The following CLEC11A variants were observed in gnomAD, a reference collection of about 807,000 sequenced individuals.
CLEC11A encodes the protein C-type lectin domain family 11 member A.
CLEC11A carries 35 observed loss-of-function variants against 33.9 expected under a neutral mutation model. That is an observed-to-expected ratio of 1.03 (90% CI 0.79 to 1.37). The LOEUF (loss-of-function observed/expected upper bound fraction) is 1.37. Among genes scored for constraint, CLEC11A ranks in the 40% most tolerant of loss-of-function variants. The pLI, the probability that CLEC11A is intolerant of heterozygous loss-of-function variation, is 0.00. For synonymous variants in CLEC11A, 220 were observed against 202.2 expected, an observed-to-expected ratio of 1.09 and a Z score of -0.75; for missense variants, 519 against 455.5, an observed-to-expected ratio of 1.14 and a Z score of -1.27.
chr19:50,725,057 T>C lies in CLEC11A; in HGVS notation c.562T>C (p.Phe188Leu), dbSNP rs1458948321. Residue 188 changes from phenylalanine to leucine, a missense_variant, in exon 4 of 4, where the codon TTC becomes CTC. Physicochemically the swap from Phe to Leu is conservative, Grantham distance 22. Coordinates refer to ENST00000250340, the MANE Select transcript of CLEC11A (RefSeq NM_002975.3). ...GGGGCTGCGCCTGGGCCACAAGTGC[T>C]TCCTGCTCTCGCGCGACTTCGAAGC... ...LKGLRLGHKCFLLSRDFEAQA... is the reference protein window; with the variant it reads ...LKGLRLGHKCLLLSRDFEAQA... 4 of 1,517,470 alleles carry C rather than the reference T, an allele frequency of 2.6e-6. No homozygotes were observed. The highest frequency in any genetic ancestry group is 2.6e-6 in the Non-Finnish European group (3 of 1,134,534). 94.0% of individuals were successfully genotyped at this position (1,517,470 alleles called of 1,614,324 possible).
rs575741408 is a variant in CLEC11A at position 50,725,349 on chromosome 19, C to G, written c.854C>G (p.Pro285Arg). The G allele has an allele frequency of 6.2e-7, 1 of 1,612,236 alleles. No individual in the cohort carries two copies. Among genetic ancestry groups the G allele is most frequent in the East Asian group, 2.2e-5 (1 of 44,852 alleles). Residue 285 changes from proline (P) to arginine (R), a missense_variant, in exon 4 of 4, where the codon CCG becomes CGG. Physicochemically the swap from Pro to Arg is moderately radical, Grantham distance 103. Transcript: ENST00000250340. ...AGCGCCTCGCCGCATCCGCTCAGCC[C>G]GGACCAGCCCAACGGTGGCACGCTC... ...QPSASPHPLS[P>R]DQPNGGTLEN...
Position 50,724,944 on chromosome 19 carries a change from C to T in CLEC11A, c.527-78C>T. On this transcript the variant is annotated intron_variant, in intron 3 of 3. Coordinates refer to ENST00000250340, the MANE Select transcript of CLEC11A (RefSeq NM_002975.3). This position sits in a 1 kb window ranked among gnomAD's most constrained non-coding sequence, Gnocchi z 4.1. Reference sequence around the variant, plus strand: ...TTCCTGGCCCCGCCTCCCTCCACCCCCGGATGTTTTGTCCTCGCCCCCTTC... The same window carrying T: ...TTCCTGGCCCCGCCTCCCTCCACCCTCGGATGTTTTGTCCTCGCCCCCTTC... 1.4e-6 allele frequency: 2 copies of T among 1,418,740 alleles called. No homozygotes were observed. The highest frequency in any genetic ancestry group is 1.8e-6 in the Non-Finnish European group (2 of 1,088,564). The allele number at this position is 1,418,740 out of a possible 1,614,324, so 87.9% of individuals were successfully genotyped here. A position where few individuals can be genotyped will look rare whatever the true frequency, so the allele number is the denominator to read the frequency against.
chr19:50,723,476 ACC>A lies in CLEC11A; in HGVS notation c.-47_-46del, dbSNP rs1568449469. On this transcript the variant is annotated 5_prime_UTR_variant, in exon 1 of 4. Coordinates refer to ENST00000250340, the MANE Select transcript of CLEC11A (RefSeq NM_002975.3). The surrounding 1 kb of genome is among the most constrained non-coding windows in gnomAD (Gnocchi z 4.1). ...GCAGTTCCCAGAGGCCACCCCTCCC[ACC>A]CCAGACATCCAGACATCTGGAACTT... is the stretch of plus-strand genomic sequence containing the variant. 1 of 1,606,062 alleles carries A rather than the reference ACC, an allele frequency of 6.2e-7. No individual in the cohort carries two copies. Among genetic ancestry groups the A allele is most frequent in the South Asian group, 1.1e-5 (1 of 90,620 alleles).
In CLEC11A at chr19:50,725,104, G is replaced by C; in HGVS notation, c.609G>C (p.Arg203=). 5 of 1,532,960 alleles carry C rather than the reference G, an allele frequency of 3.3e-6. No individual in the cohort carries two copies. Among genetic ancestry groups the C allele is most frequent in the South Asian group, 1.2e-5 (1 of 82,136 alleles). 95.0% of individuals were successfully genotyped at this position (1,532,960 alleles called of 1,614,324 possible). ...DFEAQAAAQA[R]CTARGGSLAQ... Reference sequence around the variant, plus strand: ...AAGCTCAGGCGGCGGCGCAGGCGCGGTGCACGGCGCGGGGCGGGAGCCTGG... The same window carrying C: ...AAGCTCAGGCGGCGGCGCAGGCGCGCTGCACGGCGCGGGGCGGGAGCCTGG... Residue 203 remains arginine (R), a synonymous_variant, in exon 4 of 4, where the codon CGG becomes CGC. Coordinates refer to ENST00000250340, the MANE Select transcript of CLEC11A (RefSeq NM_002975.3).
rs781648659 is a variant in CLEC11A, at chr19:50,723,478, CCCAGACAT to C, written c.-38_-31del. 6.2e-7 allele frequency: 1 copy of C among 1,607,526 alleles called. No homozygotes were observed. The highest frequency in any genetic ancestry group is 8.5e-7 in the Non-Finnish European group (1 of 1,176,590). ...AGTTCCCAGAGGCCACCCCTCCCACCCCAGACATCCAGACATCTGGAACTTTGGGTGCC... is the reference window on the plus strand; with the variant it reads ...AGTTCCCAGAGGCCACCCCTCCCACCCCAGACATCTGGAACTTTGGGTGCC... On this transcript the variant is annotated 5_prime_UTR_variant, in exon 1 of 4. Transcript: ENST00000250340. This position sits in a 1 kb window ranked among gnomAD's most constrained non-coding sequence, Gnocchi z 4.1.
Position 50,724,299 on chromosome 19 carries a change from C to A in CLEC11A, c.335-111C>A. 1 of 1,157,216 alleles carries A rather than the reference C, an allele frequency of 8.6e-7. No homozygotes were observed. Among genetic ancestry groups the A allele is most frequent in the Non-Finnish European group, 1.2e-6 (1 of 847,990 alleles). The allele number at this position is 1,157,216 out of a possible 1,614,324, so 71.7% of individuals were successfully genotyped here. A position where few individuals can be genotyped will look rare whatever the true frequency, so the allele number is the denominator to read the frequency against. Reference sequence around the variant, plus strand: ...TACCTTCCAGGAGTCCGGGGTGCCCCCCCCACCGCCACCCCGCCCTCAGGA... The same window carrying A: ...TACCTTCCAGGAGTCCGGGGTGCCCACCCCACCGCCACCCCGCCCTCAGGA... On this transcript the variant is annotated intron_variant, in intron 2 of 3. Coordinates refer to ENST00000250340, the MANE Select transcript of CLEC11A (RefSeq NM_002975.3). This position sits in a 1 kb window ranked among gnomAD's most constrained non-coding sequence, Gnocchi z 4.1.
In CLEC11A at chr19:50,724,715, T is replaced by C; in HGVS notation, c.526+114T>C. On this transcript the variant is annotated intron_variant, in intron 3 of 3. Coordinates refer to ENST00000250340, the MANE Select transcript of CLEC11A (RefSeq NM_002975.3). The surrounding 1 kb of genome is among the most constrained non-coding windows in gnomAD (Gnocchi z 4.1). Reference sequence around the variant, plus strand: ...GCGGGAGAGTTCGGGAGAGCTGCTGTGTGCTAGCGGACGGGGTTAGAGAGC... The same window carrying C: ...GCGGGAGAGTTCGGGAGAGCTGCTGCGTGCTAGCGGACGGGGTTAGAGAGC... The C allele has an allele frequency of 9.8e-6, 12 of 1,224,370 alleles. No homozygotes were observed. Among genetic ancestry groups the C allele is most frequent in the Non-Finnish European group, 1.3e-5 (12 of 934,218 alleles). The allele number at this position is 1,224,370 out of a possible 1,614,324, so 75.8% of individuals were successfully genotyped here. A position where few individuals can be genotyped will look rare whatever the true frequency, so the allele number is the denominator to read the frequency against.
At position 50,724,158 on chromosome 19, in the gene CLEC11A, G is replaced by A. The variant is rs1214893550; in HGVS notation, c.334+67G>A. 9 of 1,604,318 alleles carry A rather than the reference G, an allele frequency of 5.6e-6. No homozygotes were observed. The highest frequency in any genetic ancestry group is 1.7e-4 in the Middle Eastern group (1 of 5,964). ...CGCGGTCACTTTCGCAAAAATGAAGGGTCGGTTCACTGCCAAGTGGCCTTT... is the reference window on the plus strand; with the variant it reads ...CGCGGTCACTTTCGCAAAAATGAAGAGTCGGTTCACTGCCAAGTGGCCTTT... On this transcript the variant is annotated intron_variant, in intron 2 of 3. Coordinates refer to ENST00000250340, the MANE Select transcript of CLEC11A (RefSeq NM_002975.3). This position sits in a 1 kb window ranked among gnomAD's most constrained non-coding sequence, Gnocchi z 4.1.
Position 50,724,109 on chromosome 19 carries a change from C to T in CLEC11A, c.334+18C>T. The T allele has an allele frequency of 6.2e-7, 1 of 1,611,670 alleles. No individual in the cohort carries two copies. The highest frequency in any genetic ancestry group is 1.3e-5 in the African/African-American group (1 of 74,808). On this transcript the variant is annotated intron_variant, in intron 2 of 3. Transcript: ENST00000250340. The surrounding 1 kb of genome is among the most constrained non-coding windows in gnomAD (Gnocchi z 4.1). ...TTACATCCGTGAGTAACCAGAAGCCCTCACCCCCAAACTCCTAGGCCGCCG... is the reference window on the plus strand; with the variant it reads ...TTACATCCGTGAGTAACCAGAAGCCTTCACCCCCAAACTCCTAGGCCGCCG...
chr19:50,723,646 C>T lies in CLEC11A; in HGVS notation c.121C>T (p.Arg41Trp), dbSNP rs763965159. 3.6e-5 allele frequency: 57 copies of T among 1,596,392 alleles called. 1 individual carries two copies. Among genetic ancestry groups the T allele is most frequent in the South Asian group, 3.0e-4 (26 of 87,858 alleles). Reference sequence around the variant, plus strand: ...CTGGGGAGGTGCCCAGGAGGAGGAGCGGGAGAGGGAGGCCCTGATGCTGAA... The same window carrying T: ...CTGGGGAGGTGCCCAGGAGGAGGAGTGGGAGAGGGAGGCCCTGATGCTGAA... ...GGWGGAQEEEREREALMLKHL... is the reference protein window; with the variant it reads ...GGWGGAQEEEWEREALMLKHL... Residue 41 changes from arginine to tryptophan, a missense_variant, in exon 1 of 4, where the codon CGG (arginine) becomes TGG (tryptophan). Transcript: ENST00000250340. The surrounding 1 kb of genome is among the most constrained non-coding windows in gnomAD (Gnocchi z 4.1).
Position 50,724,166 on chromosome 19 carries a change from C to G in CLEC11A, c.334+75C>G, listed in dbSNP as rs1051949241. 15 of 1,601,496 alleles carry G rather than the reference C, an allele frequency of 9.4e-6. No homozygotes were observed. Among genetic ancestry groups the G allele is most frequent in the Admixed American group, 1.8e-5 (1 of 55,556 alleles). ...CTTTCGCAAAAATGAAGGGTCGGTTCACTGCCAAGTGGCCTTTCAGTTGTC... is the reference window on the plus strand; with the variant it reads ...CTTTCGCAAAAATGAAGGGTCGGTTGACTGCCAAGTGGCCTTTCAGTTGTC... On this transcript the variant is annotated intron_variant, in intron 2 of 3. Transcript: ENST00000250340. The surrounding 1 kb of genome is among the most constrained non-coding windows in gnomAD (Gnocchi z 4.1).
chr19:50,725,086 G>A lies in CLEC11A; in HGVS notation c.591G>A (p.Gln197=), dbSNP rs1470423000. The part of the protein sequence containing the change: ...CFLLSRDFEA[Q]AAAQARCTAR... Reference sequence around the variant, plus strand: ...TGCTCTCGCGCGACTTCGAAGCTCAGGCGGCGGCGCAGGCGCGGTGCACGG... The same window carrying A: ...TGCTCTCGCGCGACTTCGAAGCTCAAGCGGCGGCGCAGGCGCGGTGCACGG... The change falls in exon 4 of 4, where the codon CAG becomes CAA. Residue 197 remains glutamine (Q), a synonymous_variant. Coordinates refer to ENST00000250340, the MANE Select transcript of CLEC11A (RefSeq NM_002975.3). The A allele has an allele frequency of 6.6e-7, 1 of 1,522,122 alleles. No homozygotes were observed. The highest frequency in any genetic ancestry group is 1.4e-5 in the African/African-American group (1 of 70,786). The allele number at this position is 1,522,122 out of a possible 1,614,324, so 94.3% of individuals were successfully genotyped here. A position where few individuals can be genotyped will look rare whatever the true frequency, so the allele number is the denominator to read the frequency against.
chr19:50,724,908 C>T lies in CLEC11A; in HGVS notation c.527-114C>T, dbSNP rs780000832. ...GTTCTGACCACGCCTCCTCCCAGCC[C>T]TCCCCATGAGTTCCTGGCCCCGCCT... On this transcript the variant is annotated intron_variant, in intron 3 of 3. Transcript: ENST00000250340. This position sits in a 1 kb window ranked among gnomAD's most constrained non-coding sequence, Gnocchi z 4.1. 8.8e-5 allele frequency: 125 copies of T among 1,414,574 alleles called. 1 individual carries two copies. The highest frequency in any genetic ancestry group is 1.1e-4 in the Non-Finnish European group (117 of 1,090,516). The allele number at this position is 1,414,574 out of a possible 1,614,324, so 87.6% of individuals were successfully genotyped here. A position where few individuals can be genotyped will look rare whatever the true frequency, so the allele number is the denominator to read the frequency against.
chr19:50,724,295 G>GCCCCCCCCCCCCCCCCCC lies in CLEC11A; in HGVS notation c.335-107_335-106insCCCCCCCCCCCCCCCCCC. The stretch of plus-strand genomic sequence containing the variant: ...ACCCTACCTTCCAGGAGTCCGGGGT[G>GCCCCCCCCCCCCCCCCCC]CCCCCCCCACCGCCACCCCGCCCTC... On this transcript the variant is annotated intron_variant, in intron 2 of 3. Coordinates refer to ENST00000250340, the MANE Select transcript of CLEC11A (RefSeq NM_002975.3). The surrounding 1 kb of genome is among the most constrained non-coding windows in gnomAD (Gnocchi z 4.1). 1 of 1,130,904 alleles carries GCCCCCCCCCCCCCCCCCC rather than the reference G, an allele frequency of 8.8e-7. No homozygotes were observed. The highest frequency in any genetic ancestry group is 1.2e-6 in the Non-Finnish European group (1 of 830,028). The allele number at this position is 1,130,904 out of a possible 1,614,324, so 70.1% of individuals were successfully genotyped here.
In CLEC11A at chr19:50,724,551, C is replaced by A; in HGVS notation, c.476C>A (p.Ala159Asp). 2.0e-6 allele frequency: 3 copies of A among 1,513,878 alleles called. No homozygotes were observed. Among genetic ancestry groups the A allele is most frequent in the Non-Finnish European group, 2.6e-6 (3 of 1,135,626 alleles). 93.8% of individuals were successfully genotyped at this position (1,513,878 alleles called of 1,614,324 possible). Residue 159 changes from alanine to aspartate, a missense_variant, in exon 3 of 4, where the codon GCC (alanine) becomes GAC (aspartate). Transcript: ENST00000250340. The surrounding 1 kb of genome is among the most constrained non-coding windows in gnomAD (Gnocchi z 4.1). ...AAGDTRDAVQ[A>D]LQEAQGRAER... is the part of the protein sequence containing the mutation. ...GGCGACACCCGCGATGCCGTGCAAG[C>A]CCTGCAGGAGGCGCAGGGTCGCGCC...
rs1165236506 is a variant in CLEC11A, at chr19:50,725,062, G to A, written c.567G>A (p.Leu189=). The A allele has an allele frequency of 6.6e-7, 1 of 1,518,920 alleles. No homozygotes were observed. The highest frequency in any genetic ancestry group is 8.8e-7 in the Non-Finnish European group (1 of 1,135,188). The allele number at this position is 1,518,920 out of a possible 1,614,324, so 94.1% of individuals were successfully genotyped here. A position where few individuals can be genotyped will look rare whatever the true frequency, so the allele number is the denominator to read the frequency against. The change falls in exon 4 of 4, where the codon CTG becomes CTA. Residue 189 remains leucine (L), a synonymous_variant. Coordinates refer to ENST00000250340, the MANE Select transcript of CLEC11A (RefSeq NM_002975.3). Reference sequence around the variant, plus strand: ...TGCGCCTGGGCCACAAGTGCTTCCTGCTCTCGCGCGACTTCGAAGCTCAGG... The same window carrying A: ...TGCGCCTGGGCCACAAGTGCTTCCTACTCTCGCGCGACTTCGAAGCTCAGG... ...KGLRLGHKCF[L]LSRDFEAQAA... is the part of the protein sequence containing the mutation.
rs2089165628 is a variant in CLEC11A, at chr19:50,724,220, C to T, written c.334+129C>T. 1.2e-5 allele frequency: 18 copies of T among 1,462,094 alleles called. No homozygotes were observed. Among genetic ancestry groups the T allele is most frequent in the Non-Finnish European group, 1.5e-5 (16 of 1,081,594 alleles). The allele number at this position is 1,462,094 out of a possible 1,614,324, so 90.6% of individuals were successfully genotyped here. On this transcript the variant is annotated intron_variant, in intron 2 of 3. Transcript: ENST00000250340. This position sits in a 1 kb window ranked among gnomAD's most constrained non-coding sequence, Gnocchi z 4.1. Reference sequence around the variant, plus strand: ...TGCCCAGCCCAGAGCCCCCACACCCCTAGGAGCCCCAGGTCCACGGCCATG... The same window carrying T: ...TGCCCAGCCCAGAGCCCCCACACCCTTAGGAGCCCCAGGTCCACGGCCATG...
chr19:50,724,162 G>A lies in CLEC11A; in HGVS notation c.334+71G>A, dbSNP rs2089165310. 1.9e-6 allele frequency: 3 copies of A among 1,601,808 alleles called. No individual in the cohort carries two copies. Among genetic ancestry groups the A allele is most frequent in the Admixed American group, 1.8e-5 (1 of 55,550 alleles). On this transcript the variant is annotated intron_variant, in intron 2 of 3. Transcript: ENST00000250340. This position sits in a 1 kb window ranked among gnomAD's most constrained non-coding sequence, Gnocchi z 4.1. ...GTCACTTTCGCAAAAATGAAGGGTC[G>A]GTTCACTGCCAAGTGGCCTTTCAGT...
chr19:50,723,887 A>G lies in CLEC11A; in HGVS notation c.148-18A>G. The G allele has an allele frequency of 1.9e-6, 3 of 1,596,668 alleles. No homozygotes were observed. The highest frequency in any genetic ancestry group is 3.6e-5 in the Admixed American group (2 of 56,154). On this transcript the variant is annotated intron_variant, in intron 1 of 3. Coordinates refer to ENST00000250340, the MANE Select transcript of CLEC11A (RefSeq NM_002975.3). This position sits in a 1 kb window ranked among gnomAD's most constrained non-coding sequence, Gnocchi z 4.1. ...TCTTGGTGGCAGGCTGGGGCTCACC[A>G]CCCCTCCCCTGCCCCAGCATCTGCA...
Sources: gnomAD v4.1 joint callset for allele counts on GRCh38, gnomAD v4.1.1 for gene constraint, Gnocchi (gnomAD v3.1) non-coding constraint, MANE v1.5 for transcripts, NCBI Gene and HGNC (gene_info 2026-07-23, HGNC 2026-07-21) for gene names.